TMEM71: variants seen among roughly 807,000 people sequenced by gnomAD.
TMEM71 encodes the protein transmembrane protein 71.
A neutral mutation model predicts 38.0 loss-of-function variants in TMEM71; 44 were observed. That is an observed-to-expected ratio of 1.16 (90% confidence interval 0.91 to 1.49). The LOEUF (loss-of-function observed/expected upper bound fraction) is 1.49. Among genes scored for constraint, TMEM71 ranks in the 40% most tolerant of loss-of-function variants. The probability of loss-of-function intolerance (pLI) is 0.00; values close to 1 mark genes in which losing one functional copy is unlikely to be tolerated. For missense variants in TMEM71, 367 were observed against 348.6 expected (o/e 1.05, Z -0.42); for synonymous variants, 133 against 122.5 (o/e 1.09, Z -0.56).
Position 132,746,923 on chromosome 8 carries a change from AAGG to A in TMEM71, c.487+16_487+18del. The A allele has an allele frequency of 6.4e-7, 1 of 1,559,914 alleles. No individual in the cohort carries two copies. Among genetic ancestry groups the A allele is most frequent in the East Asian group, 2.3e-5 (1 of 43,160 alleles). ...CTTGGAGATAAAATTTTACTATGGA[AAGG>A]AGGACTCAAACTCACCATTTCCATT... On this transcript the variant is annotated intron_variant, in intron 5 of 9. Transcript: ENST00000677595.
chr8:132,773,107 G>T, the TMEM71 span, among the ~76,000 whole-genome samples: 1 of 152,238 alleles, frequency 6.6e-6, no homozygotes. Flanking sequence ...ATGTCTGGAA[G>T]GACATCTAGA....
chr8:132,731,100 C>G (rs547731439), intron 5 of TMEM71, among the ~76,000 whole-genome samples: 1 of 152,208 alleles, frequency 6.6e-6, no homozygotes, highest in African/African-American at 2.4e-5. Context: ...TTTTTCTGAT[C>G]CTGAGTTTCT....
At chr8:132,775,582 C>T in the TMEM71 span, 2 of 353,486 alleles carry the variant, frequency 5.7e-6, no homozygotes, top group Non-Finnish European at 1.0e-5. Context: ...GGGCTGGCCG[C>T]CCTGCTCGTG....
intron 5 of TMEM71, among the ~76,000 whole-genome samples, chr8:132,730,895 GTGTT>G (rs1387881027): frequency 1.3e-5 from 2 of 152,112 alleles, no homozygotes; most frequent in Non-Finnish European, 2.9e-5. Flanking sequence ...GTGCATGTGT[GTGTT>G]TGTGTGTGTG....
chr8:132,736,838 A>C (rs1161819065), intron 5 of TMEM71, among the ~76,000 whole-genome samples: 1 of 152,140 alleles, frequency 6.6e-6, no homozygotes, highest in African/African-American at 2.4e-5. Flanking sequence ...CTCAAAAAAA[A>C]AAAAAATTGC....
the TMEM71 span, among the ~76,000 whole-genome samples, chr8:132,772,498 G>C: frequency 9.9e-5 from 15 of 152,124 alleles, no homozygotes; most frequent in African/African-American, 3.6e-4. Context: ...TGTATATCCT[G>C]TATCCCTACT....
the TMEM71 span, among the ~76,000 whole-genome samples, chr8:132,767,164 G>A: frequency 1.3e-5 from 2 of 152,154 alleles, no homozygotes; most frequent in Admixed American, 6.5e-5. Context: ...TGTGGCTCTT[G>A]TTTCTGCCCT....
At chr8:132,726,578 T>C (rs1451886603) in intron 6 of TMEM71, among the ~76,000 whole-genome samples, 1 of 152,170 alleles carries the variant, frequency 6.6e-6, no homozygotes, top group Admixed American at 6.5e-5. Context: ...GAGGGTTTGG[T>C]AAACTGCTTC....
At chr8:132,718,345 T>C (rs1159187389) in intron 7 of TMEM71, among the ~76,000 whole-genome samples, 1 of 151,994 alleles carries the variant, frequency 6.6e-6, no homozygotes, top group Non-Finnish European at 1.5e-5. Flanking sequence ...AAAGGAGATA[T>C]GTAACTTTAA....
intron 4 of TMEM71, 74 bp downstream of exon 4, chr8:132,751,711 T>A: frequency 7.2e-7 from 1 of 1,389,736 alleles, no homozygotes; most frequent in Non-Finnish European, 1.0e-6. Flanking sequence ...GATAGTTGAG[T>A]GAATAAATGA....
At chr8:132,737,314 T>C (rs1827804107) in intron 5 of TMEM71, among the ~76,000 whole-genome samples, 1 of 152,234 alleles carries the variant, frequency 6.6e-6, no homozygotes, top group African/African-American at 2.4e-5. Context: ...TGTGCCACTC[T>C]GTCAGAAAGA....
chr8:132,774,827 C>G, the TMEM71 span, among the ~76,000 whole-genome samples: 4 of 152,196 alleles, frequency 2.6e-5, no homozygotes, highest in Non-Finnish European at 5.9e-5. Flanking sequence ...TGAGCACGCG[C>G]GTACACACAT....
At chr8:132,736,415 A>G (rs2472222) in intron 5 of TMEM71, among the ~76,000 whole-genome samples, 48,429 of 151,908 alleles carry the variant, frequency 0.32, 7,923 homozygotes, top group Non-Finnish European at 0.33. Context: ...GTGGGGTAGG[A>G]GATGGGGAGA....
chr8:132,746,416 C>CACATATAT (rs1554619161), intron 5 of TMEM71, among the ~76,000 whole-genome samples: 2 of 17,462 alleles, frequency 1.1e-4, no homozygotes, highest in Non-Finnish European at 3.5e-4. Flanking sequence ...TATATACACA[C>CACATATAT]ACATATATAT....
chr8:132,722,168 T>C, intron 6 of TMEM71, 53 bp from the exon 7 acceptor site: 1 of 1,423,296 alleles, frequency 7.0e-7, no homozygotes, highest in South Asian at 1.2e-5. Context: ...GATTCAATCA[T>C]CTTGGAAGAA....
At position 132,720,207 on chromosome 8, in the gene TMEM71, G is replaced by T. The variant is rs550059759; in HGVS notation, c.752+1833C>A. 4.6e-5 allele frequency among the ~76,000 whole-genome samples: 7 copies of T among 152,232 alleles called. No individual in the cohort carries two copies. The South Asian group carries it at 1.2e-3, about 27-fold the overall frequency. On this transcript the variant is annotated intron_variant, in intron 7 of 9. Coordinates refer to ENST00000677595, the MANE Select transcript of TMEM71 (RefSeq NM_001382403.1). ...GTTTGTCCTGTTTCTCCACTGAAGA[G>T]TTACCTTTCTTACCCCCTTCCTTAC...
At chr8:132,752,650 C>A (rs1586805434) in intron 3 of TMEM71, among the ~76,000 whole-genome samples, 1 of 152,026 alleles carries the variant, frequency 6.6e-6, no homozygotes, top group African/African-American at 2.4e-5. Context: ...AGGAGGATCC[C>A]TTTAGCCCAG....
the TMEM71 span, among the ~76,000 whole-genome samples, chr8:132,768,557 G>A: frequency 2.6e-5 from 4 of 151,798 alleles, no homozygotes; most frequent in Non-Finnish European, 2.9e-5. Context: ...ATTTTTTGAA[G>A]ACAACATAGT....
chr8:132,746,488 C>CACATATATATATACAT (rs1828388569), intron 5 of TMEM71, among the ~76,000 whole-genome samples: 2 of 54,314 alleles, frequency 3.7e-5, no homozygotes, highest in South Asian at 1.5e-3. Context: ...TATATATATA[C>CACATATATATATACAT]ATATATATAC....
Sources: gnomAD v4.1 joint callset for allele counts (sites outside exome capture counted in the v4.1 genomes callset) on GRCh38, gnomAD v4.1.1 for gene constraint, MANE v1.5 for transcripts, NCBI Gene and HGNC (gene_info 2026-07-23, HGNC 2026-07-21) for gene names.